Variants in RAB4A observed in about 807,000 individuals in gnomAD.
RAB4A encodes ras-related protein Rab-4A.
In RAB4A, 20 loss-of-function variants were observed where a neutral mutation model predicts 34.5. The observed-to-expected ratio is 0.58, with a 90% confidence interval of 0.41 to 0.84. RAB4A has a LOEUF of 0.84. Among genes scored for constraint, RAB4A ranks in the 40% least tolerant of loss-of-function variants. RAB4A has a pLI of 0.00. For synonymous variants in RAB4A, 102 were observed against 100.0 expected (o/e 1.02, Z -0.12); for missense variants, 228 against 274.5 (o/e 0.83, Z 1.20).
intron 1 of RAB4A, among the ~76,000 whole-genome samples, chr1:229,284,094 GTTTTTTTTTT>G (rs773213321): frequency 4.4e-5 from 2 of 45,904 alleles, no homozygotes; most frequent in African/African-American, 2.0e-4. Context: ...GTGTTGTTTG[GTTTTTTTTTT>G]TTTTTTTTTT....
chr1:229,292,073 G>A (rs12129272), intron 3 of RAB4A, among the ~76,000 whole-genome samples: 1 of 115,870 alleles, frequency 8.6e-6, no homozygotes, highest in Non-Finnish European at 1.7e-5. Flanking sequence ...GTTGTGGGGT[G>A]GGGGGAGGGG....
At chr1:229,287,705 G>A (rs1165702621) in intron 2 of RAB4A, among the ~76,000 whole-genome samples, 2 of 151,994 alleles carry the variant, frequency 1.3e-5, no homozygotes, top group Non-Finnish European at 2.9e-5. Flanking sequence ...TTTCCTGGTA[G>A]TTTACTCCTA....
In RAB4A at chr1:229,274,850, T is replaced by C. The variant is rs563484354; in HGVS notation, c.31+3480T>C. Reference sequence around the variant, plus strand: ...ACAAAATCTCTACATATATTAGAGTTTATGCCGTCTACAATGGGAATAACA... The same window carrying C: ...ACAAAATCTCTACATATATTAGAGTCTATGCCGTCTACAATGGGAATAACA... On this transcript the variant is annotated intron_variant, in intron 1 of 7. Transcript: ENST00000366690. Among the ~76,000 whole-genome samples, 6 of 152,344 alleles carry C rather than the reference T, an allele frequency of 3.9e-5. No homozygotes were observed. In the South Asian group the frequency reaches 1.2e-3, roughly 32 times the overall value.
intron 3 of RAB4A, chr1:229,289,258 C>T (rs1657001308): frequency 6.1e-6 from 1 of 163,408 alleles, no homozygotes; most frequent in Admixed American, 6.5e-5. Context: ...GTTTGATACA[C>T]ACTCCACAAA....
Position 229,276,606 on chromosome 1 carries a change from C to G in RAB4A, c.31+5236C>G, listed in dbSNP as rs1056749529. Among the ~76,000 whole-genome samples, 47 of 151,344 alleles carry G rather than the reference C, an allele frequency of 3.1e-4. 5 individuals carry two copies. The highest frequency in any genetic ancestry group is 1.1e-3 in the African/African-American group (46 of 40,726). ...GCCTATGCCCCATCTTCTATTTTTC[C>G]TGTGTTTGCCTAGAAGATAAAGTTA... On this transcript the variant is annotated intron_variant, in intron 1 of 7. Transcript: ENST00000366690.
intron 4 of RAB4A, among the ~76,000 whole-genome samples, chr1:229,297,094 CA>C (rs1314508657): frequency 2.0e-5 from 3 of 152,216 alleles, no homozygotes; most frequent in Non-Finnish European, 4.4e-5. Flanking sequence ...TCCTGTAAAA[CA>C]AAGTGCTGGC....
chr1:229,292,418 C>T (rs1657114160), intron 3 of RAB4A, among the ~76,000 whole-genome samples: 2 of 152,162 alleles, frequency 1.3e-5, no homozygotes, highest in South Asian at 4.1e-4. Flanking sequence ...GTTCCCTCTT[C>T]CTCTAGAAGC....
chr1:229,302,309 ATTTTTTT>A (rs869095524), intron 6 of RAB4A, among the ~76,000 whole-genome samples: 68 of 35,888 alleles, frequency 1.9e-3, no homozygotes, highest in Non-Finnish European at 2.1e-3. Flanking sequence ...ATATATATAT[ATTTTTTT>A]TTTTTTTTTA....
intron 1 of RAB4A, among the ~76,000 whole-genome samples, chr1:229,281,505 G>T (rs1420390147): frequency 1.3e-5 from 2 of 151,904 alleles, no homozygotes; most frequent in Non-Finnish European, 2.9e-5. Flanking sequence ...CATTCTTTCA[G>T]CAGTCCATAT....
chr1:229,281,445 C>T (rs1656773698), intron 1 of RAB4A, among the ~76,000 whole-genome samples: 1 of 152,070 alleles, frequency 6.6e-6, no homozygotes, highest in African/African-American at 2.4e-5. Context: ...GATATTAATA[C>T]AGCCAGCCCT....
intron 6 of RAB4A, among the ~76,000 whole-genome samples, chr1:229,300,208 G>A (rs1417694652): frequency 1.3e-5 from 2 of 152,188 alleles, no homozygotes; most frequent in African/African-American, 4.8e-5. Flanking sequence ...TACTCATGCT[G>A]TTCTAATGTT....
intron 3 of RAB4A, among the ~76,000 whole-genome samples, chr1:229,291,054 A>C (rs537500751): frequency 2.0e-5 from 3 of 152,226 alleles, no homozygotes; most frequent in Non-Finnish European, 4.4e-5. Flanking sequence ...GGGAAAAAGC[A>C]GCCACATATA....
chr1:229,296,344 T>C (rs974361958), intron 4 of RAB4A, among the ~76,000 whole-genome samples: 1 of 152,230 alleles, frequency 6.6e-6, no homozygotes, highest in Non-Finnish European at 1.5e-5. Flanking sequence ...GTGCTTCAGC[T>C]GCCTGGGCCT....
At chr1:229,277,683 A>G (rs1047907534) in intron 1 of RAB4A, among the ~76,000 whole-genome samples, 3 of 151,172 alleles carry the variant, frequency 2.0e-5, no homozygotes. Context: ...GCAGAGGTCA[A>G]TCAACAACTC....
At chr1:229,286,643 CTT>C (rs1656931263) in intron 2 of RAB4A, 77 bp downstream of exon 2, 2 of 913,634 alleles carry the variant, frequency 2.2e-6, no homozygotes, top group Admixed American at 3.3e-5. Flanking sequence ...TTACAGTAAA[CTT>C]AATTTTTTCA....
rs368051717 is a variant in RAB4A at position 229,292,879 on chromosome 1, T to C, written c.228-2969T>C. Among the ~76,000 whole-genome samples the C allele has an allele frequency of 3.1e-4, 47 of 152,206 alleles. No homozygotes were observed. In the South Asian group the frequency reaches 9.4e-3, roughly 30 times the overall value. The stretch of plus-strand genomic sequence containing the variant: ...GGGTGTCCAACACTTCAATTCACTT[T>C]TGACACTACCCAGAGTTAAAGGGGA... On this transcript the variant is annotated intron_variant, in intron 3 of 7. Transcript: ENST00000366690.
chr1:229,302,257 TTATATATATATATATATATATATA>T (rs58013219), intron 6 of RAB4A, among the ~76,000 whole-genome samples: 28 of 44,326 alleles, frequency 6.3e-4, no homozygotes, highest in Admixed American at 2.1e-3. Context: ...CAGTAAATAA[TTATATATATATATATATATATATA>T]TATATATATA....
At position 229,275,913 on chromosome 1, in the gene RAB4A, A is replaced by G. The variant is rs551247788; in HGVS notation, c.31+4543A>G. 1.3e-4 allele frequency among the ~76,000 whole-genome samples: 20 copies of G among 151,266 alleles called. 1 individual carries two copies. The highest frequency in any genetic ancestry group is 4.4e-4 in the African/African-American group (18 of 40,628). ...AGTGCTGGGTTTACAGGCGTGAGCC[A>G]CCGTGCCCGTGTATAAATAGCATTT... On this transcript the variant is annotated intron_variant, in intron 1 of 7. Coordinates refer to ENST00000366690, the MANE Select transcript of RAB4A (RefSeq NM_004578.4).
At position 229,302,916 on chromosome 1, in the gene RAB4A, T is replaced by C. The variant is rs1657454425; in HGVS notation, c.596T>C (p.Leu199Ser). The change falls in exon 7 of 8, where the codon TTG (leucine) becomes TCG (serine). Residue 199 changes from leucine to serine, a missense_variant. Leu to Ser is a moderately radical substitution (Grantham distance 145). Coordinates refer to ENST00000366690, the MANE Select transcript of RAB4A (RefSeq NM_004578.4). Reference sequence around the variant, plus strand: ...GGTATTCAGTACGGAGATGCTGCCTTGAGACAGCTGAGGTCACCGCGGCGC... The same window carrying C: ...GGTATTCAGTACGGAGATGCTGCCTCGAGACAGCTGAGGTCACCGCGGCGC... ...GSGIQYGDAA[L>S]RQLRSPRRAQ... is the part of the protein sequence containing the mutation. 5.6e-6 allele frequency: 9 copies of C among 1,613,894 alleles called. No individual in the cohort carries two copies. The highest frequency in any genetic ancestry group is 6.8e-6 in the Non-Finnish European group (8 of 1,179,838).
Sources: gnomAD v4.1 joint callset for allele counts (sites outside exome capture counted in the v4.1 genomes callset) on GRCh38, gnomAD v4.1.1 for gene constraint, MANE v1.5 for transcripts, NCBI Gene and HGNC (gene_info 2026-07-23, HGNC 2026-07-21) for gene names.